Variants in NCAM1 observed in about 807,000 individuals in gnomAD.
NCAM1 encodes neural cell adhesion molecule 1, also known as antigen recognized by monoclonal antibody 5.1H11.
Under a neutral mutation model 109.8 loss-of-function variants are expected in NCAM1, and 14 were observed. The observed-to-expected ratio is 0.13, with a 90% CI of 0.08 to 0.20. The LOEUF is 0.20. Among genes scored for constraint, NCAM1 ranks in the 10% least tolerant of loss-of-function variants. NCAM1 has a pLI of 1.00. For missense variants in NCAM1, 774 were observed against 1,109.9 expected (o/e 0.70, Z 4.30); for synonymous variants, 418 against 442.9 (o/e 0.94, Z 0.70).
intron 1 of NCAM1, among the ~76,000 whole-genome samples, chr11:113,051,272 G>T (rs1304230655): frequency 6.6e-6 from 1 of 152,174 alleles, no homozygotes; most frequent in Non-Finnish European, 1.5e-5. Context: ...AATTTAAGAT[G>T]ATATTAATGC....
chr11:113,008,478 A>C (rs1185693464), intron 1 of NCAM1, among the ~76,000 whole-genome samples: 1 of 152,216 alleles, frequency 6.6e-6, no homozygotes, highest in Non-Finnish European at 1.5e-5. Context: ...AGTGGTCCAC[A>C]TGTCTAATTT....
chr11:113,253,950 G>A (rs956911198), intron 15 of NCAM1, among the ~76,000 whole-genome samples: 1 of 152,184 alleles, frequency 6.6e-6, no homozygotes, highest in African/African-American at 2.4e-5. Context: ...GACTAACCGG[G>A]ATGAGTTGGT....
chr11:113,026,195 A>G (rs1952541044), intron 1 of NCAM1, among the ~76,000 whole-genome samples: 1 of 152,236 alleles, frequency 6.6e-6, no homozygotes, highest in Admixed American at 6.5e-5. Flanking sequence ...CAGACATAGC[A>G]TCTAAAGCCA....
intron 14 of NCAM1, chr11:113,240,609 G>T: frequency 1.5e-6 from 1 of 646,602 alleles, no homozygotes; most frequent in Admixed American, 2.6e-5. Flanking sequence ...GTTAGAGAGA[G>T]CCCTGCTCCT....
In NCAM1 at chr11:112,966,074, T is replaced by C. The variant is rs575458160; in HGVS notation, c.52+4410T>C. Among the ~76,000 whole-genome samples, 5 of 152,290 alleles carry C rather than the reference T, an allele frequency of 3.3e-5. No homozygotes were observed. The East Asian group carries it at 9.6e-4, about 29-fold the overall frequency. The stretch of plus-strand genomic sequence containing the variant: ...GTCAAGATAAATATTTTAATGTAAA[T>C]TCCATAATTGATCATTTTTCAGTTT... On this transcript the variant is annotated intron_variant, in intron 1 of 19. Transcript: ENST00000316851.
Position 113,260,329 on chromosome 11 carries a change from G to A in NCAM1, c.2131+6G>A. The A allele has an allele frequency of 6.2e-7, 1 of 1,608,774 alleles. No homozygotes were observed. The highest frequency in any genetic ancestry group is 1.7e-4 in the Middle Eastern group (1 of 5,958). ...CCAGCCCACAGCCATCCCAGGTATG[G>A]CTGCCTCTGCTTTCTGTTTGTTTCC... On this transcript the variant is annotated splice_donor_region_variant and intron_variant, in intron 17 of 19. Transcript: ENST00000316851.
In NCAM1 at chr11:113,204,347, C is replaced by T; in HGVS notation, c.189C>T (p.Thr63=). The change falls in exon 3 of 20, where the codon ACC becomes ACT. Residue 63 remains threonine, a synonymous_variant. Coordinates refer to ENST00000316851, the MANE Select transcript of NCAM1 (RefSeq NM_181351.5). ...SWFSPNGEKL[T]PNQQRISVVW... Reference sequence around the variant, plus strand: ...TCTCCCCCAATGGAGAAAAGCTCACCCCAAACCAGCAGCGGATCTCAGTGG... The same window carrying T: ...TCTCCCCCAATGGAGAAAAGCTCACTCCAAACCAGCAGCGGATCTCAGTGG... 6.2e-7 allele frequency: 1 copy of T among 1,613,914 alleles called. No individual in the cohort carries two copies.
chr11:113,218,244 G>A (rs1211017189), intron 8 of NCAM1, among the ~76,000 whole-genome samples: 3 of 152,082 alleles, frequency 2.0e-5, no homozygotes, highest in South Asian at 2.1e-4. Flanking sequence ...TAGAAATGTT[G>A]ACTAGAACAA....
In NCAM1 at chr11:113,218,916, C is replaced by T. The variant is rs187803823; in HGVS notation, c.1060-2380C>T. On this transcript the variant is annotated intron_variant, in intron 8 of 19. Coordinates refer to ENST00000316851, the MANE Select transcript of NCAM1 (RefSeq NM_181351.5). ...AAGCTTCTGCTTCCATGTTATTTCA[C>T]TACTCATCCTGCCCAGATTCCTTTT... Among the ~76,000 whole-genome samples, 353 of 152,334 alleles carry T rather than the reference C, an allele frequency of 2.3e-3. 10 individuals carry two copies. Among genetic ancestry groups the T allele is most frequent in the South Asian group, 0.022 (107 of 4,826 alleles).
chr11:113,269,192 T>C (rs1415665228), intron 17 of NCAM1, among the ~76,000 whole-genome samples: 6 of 151,482 alleles, frequency 4.0e-5, no homozygotes, highest in African/African-American at 1.5e-4. Flanking sequence ...ATCGTAACCA[T>C]GGGTTGATCT....
chr11:113,275,342 C>T lies in NCAM1; in HGVS notation c.2532C>T (p.Val844=). ...CAGCGCCAGCCGAAGTCAAGACGGT[C>T]CCCAATGACGCCACACAGACAAAGG... is the stretch of plus-strand genomic sequence containing the variant. ...TKPAPAEVKT[V]PNDATQTKEN... is the part of the protein sequence containing the mutation. The change falls in exon 20 of 20, where the codon GTC becomes GTT. Residue 844 remains valine (V), a synonymous_variant. Transcript: ENST00000316851. The T allele has an allele frequency of 6.2e-7, 1 of 1,613,484 alleles. No individual in the cohort carries two copies. The highest frequency in any genetic ancestry group is 8.5e-7 in the Non-Finnish European group (1 of 1,179,696).
intron 14 of NCAM1, among the ~76,000 whole-genome samples, chr11:113,239,851 A>C (rs1432832485): frequency 1.3e-5 from 2 of 152,234 alleles, no homozygotes; most frequent in Non-Finnish European, 2.9e-5. Context: ...GTGGAAGGTA[A>C]AGGAAGACAA....
intron 1 of NCAM1, among the ~76,000 whole-genome samples, chr11:113,089,810 AT>A (rs1398926500): frequency 6.6e-6 from 1 of 152,186 alleles, no homozygotes; most frequent in East Asian, 1.9e-4. Flanking sequence ...AAGAAAGTAT[AT>A]TTTTCCCAAG....
At chr11:113,125,062 A>G (rs1301102646) in intron 1 of NCAM1, among the ~76,000 whole-genome samples, 2 of 152,166 alleles carry the variant, frequency 1.3e-5, no homozygotes, top group East Asian at 3.9e-4. Flanking sequence ...TCAGCCTTCT[A>G]ATCAGACAAC....
At chr11:113,074,603 T>C (rs1938443809) in intron 1 of NCAM1, among the ~76,000 whole-genome samples, 1 of 152,186 alleles carries the variant, frequency 6.6e-6, no homozygotes, top group Non-Finnish European at 1.5e-5. Context: ...GCTAGTATTA[T>C]TGAGGAGCTG....
intron 2 of NCAM1, among the ~76,000 whole-genome samples, chr11:113,203,702 C>G (rs1555112311): frequency 1.3e-5 from 2 of 152,230 alleles, no homozygotes; most frequent in Non-Finnish European, 2.9e-5. Flanking sequence ...TTTGTCTGAG[C>G]AGGGAGTGAC....
chr11:113,102,907 A>G (rs963152486), intron 1 of NCAM1, among the ~76,000 whole-genome samples: 1 of 152,206 alleles, frequency 6.6e-6, no homozygotes, highest in Admixed American at 6.5e-5. Context: ...TTGTTCCCTC[A>G]TAAGAACAAA....
rs1169305821 is a variant in NCAM1, at chr11:112,962,399, G to T, written c.52+735G>T. 6.6e-6 allele frequency among the ~76,000 whole-genome samples: 1 copy of T among 152,120 alleles called. No homozygotes were observed. The highest frequency in any genetic ancestry group is 1.5e-5 in the Non-Finnish European group (1 of 68,024). The stretch of plus-strand genomic sequence containing the variant: ...CGTTTTGACAGGAGGAAGTGCGGAG[G>T]GGCGGAGGGCGAGGAGGGCGTGATT... On this transcript the variant is annotated intron_variant, in intron 1 of 19. Coordinates refer to ENST00000316851, the MANE Select transcript of NCAM1 (RefSeq NM_181351.5). This position sits in a 1 kb window ranked among gnomAD's most constrained non-coding sequence, Gnocchi z 5.6.
At chr11:113,250,447 CTCTG>C (rs1235993072) in intron 15 of NCAM1, among the ~76,000 whole-genome samples, 2 of 152,186 alleles carry the variant, frequency 1.3e-5, no homozygotes, top group Non-Finnish European at 2.9e-5. Context: ...CATTTCTAAC[CTCTG>C]GATGTAATTG....
Sources: allele counts gnomAD v4.1 joint callset (sites outside exome capture counted in the v4.1 genomes callset), GRCh38; gene constraint gnomAD v4.1.1; non-coding constraint Gnocchi (gnomAD v3.1); transcripts MANE v1.5; gene names NCBI Gene and HGNC (gene_info 2026-07-23, HGNC 2026-07-21).